SHISA9: variants seen among roughly 807,000 people sequenced by gnomAD.
The protein encoded by SHISA9 is protein shisa-9.
In SHISA9, 13 loss-of-function variants were observed where a neutral mutation model predicts 38.0. That is an observed-to-expected ratio of 0.34 (90% CI 0.22 to 0.54). The LOEUF is 0.54. SHISA9 is among the 20% of genes least tolerant of loss of function. SHISA9 has a pLI of 0.91. For missense variants in SHISA9, 538 were observed against 575.8 expected (o/e 0.93, Z 0.67); for synonymous variants, 275 against 242.0 (o/e 1.14, Z -1.27).
rs372147554 is a variant in SHISA9 at position 13,143,021 on chromosome 16, T to TTTA, written c.692-60372_692-60370dup. Reference sequence around the variant, plus strand: ...TTTATTTTATTTTATTTTATTTTATTTTAAGACAGAGTTTTGCTCTTGTTG... The same window carrying TTTA: ...TTTATTTTATTTTATTTTATTTTATTTTATTAAGACAGAGTTTTGCTCTTGTTG... On this transcript the variant is annotated intron_variant, in intron 2 of 4. Transcript: ENST00000558583. Among the ~76,000 whole-genome samples the TTTA allele has an allele frequency of 3.9e-3, 598 of 151,902 alleles. 3 individuals are homozygous for TTTA. The highest frequency in any genetic ancestry group is 0.024 in the Middle Eastern group (7 of 294).
At chr16:13,188,716 CAAAAA>C (rs35558481) in intron 2 of SHISA9, among the ~76,000 whole-genome samples, 15 of 79,344 alleles carry the variant, frequency 1.9e-4, no homozygotes, top group East Asian at 3.9e-4. Flanking sequence ...GACCCTGTTT[CAAAAA>C]AAAAAAAAAA....
At chr16:13,010,808 C>T (rs868775231) in intron 2 of SHISA9, among the ~76,000 whole-genome samples, 9 of 152,144 alleles carry the variant, frequency 5.9e-5, no homozygotes, top group Admixed American at 3.3e-4. Context: ...AAAAATCAGC[C>T]GGGCATGGTG....
the SHISA9 span, among the ~76,000 whole-genome samples, chr16:13,433,707 G>A: frequency 1.3e-5 from 2 of 152,190 alleles, no homozygotes; most frequent in African/African-American, 4.8e-5. Context: ...AAAAACTCTG[G>A]GAATGCAAGG....
the SHISA9 span, among the ~76,000 whole-genome samples, chr16:13,348,110 T>C: frequency 7.9e-5 from 12 of 152,198 alleles, no homozygotes; most frequent in Admixed American, 6.5e-4. Flanking sequence ...TTAGTTGTTA[T>C]GGCAGCCACA....
intron 2 of SHISA9, among the ~76,000 whole-genome samples, chr16:13,100,257 G>T (rs558758944): frequency 3.9e-5 from 6 of 152,258 alleles, no homozygotes; most frequent in Non-Finnish European, 8.8e-5. Flanking sequence ...TACCTTTTTG[G>T]CAAGCATACA....
chr16:13,178,576 T>G (rs1464946894), intron 2 of SHISA9, among the ~76,000 whole-genome samples: 1 of 152,068 alleles, frequency 6.6e-6, no homozygotes, highest in Non-Finnish European at 1.5e-5. Flanking sequence ...GGCAGAGTCA[T>G]CTAGCTCCGA....
rs186449524 is a variant in SHISA9 at position 12,914,202 on chromosome 16, C to T, written c.564-2486C>T. 1.7e-3 allele frequency among the ~76,000 whole-genome samples: 258 copies of T among 151,908 alleles called. 2 individuals carry two copies. Among genetic ancestry groups the T allele is most frequent in the East Asian group, 0.012 (62 of 5,144 alleles). The stretch of plus-strand genomic sequence containing the variant: ...CTGGGACTAGGGGCATGCTCCACCA[C>T]GCCCGGCTAATTTTTGTATTTTTAG... On this transcript the variant is annotated intron_variant, in intron 1 of 4. Transcript: ENST00000558583.
intron 2 of SHISA9, among the ~76,000 whole-genome samples, chr16:13,129,282 A>T (rs138449150): frequency 1.4e-3 from 217 of 152,324 alleles, no homozygotes; most frequent in African/African-American, 4.7e-3. Context: ...ATTGATGTTT[A>T]TTTCTCATTC....
At chr16:13,386,870 C>T in the SHISA9 span, among the ~76,000 whole-genome samples, 26 of 152,204 alleles carry the variant, frequency 1.7e-4, no homozygotes, top group African/African-American at 6.3e-4. Context: ...TACCATTTCC[C>T]TACTGATGGA....
chr16:13,502,733 C>T, the SHISA9 span, among the ~76,000 whole-genome samples: 36 of 151,976 alleles, frequency 2.4e-4, no homozygotes, highest in African/African-American at 8.4e-4. Context: ...AACAATTAGC[C>T]AGGCGTGGTG....
chr16:13,478,076 C>T, the SHISA9 span, among the ~76,000 whole-genome samples: 2 of 152,168 alleles, frequency 1.3e-5, no homozygotes, highest in African/African-American at 4.8e-5. Context: ...TGAGCGACAT[C>T]GCATTTTCCT....
At chr16:13,301,990 G>T in the SHISA9 span, among the ~76,000 whole-genome samples, 1 of 152,182 alleles carries the variant, frequency 6.6e-6, no homozygotes, top group Admixed American at 6.5e-5. Flanking sequence ...TTTTACTATT[G>T]CAGAGAGAAT....
chr16:13,295,115 A>G, the SHISA9 span, among the ~76,000 whole-genome samples: 3 of 152,224 alleles, frequency 2.0e-5, no homozygotes, highest in Non-Finnish European at 4.4e-5. Flanking sequence ...TCTAGATTTC[A>G]TGCTCTTAAT....
At position 13,176,844 on chromosome 16, in the gene SHISA9, C is replaced by G. The variant is rs527511681; in HGVS notation, c.692-26550C>G. ...ATCTGCAACCCTCAGATCACCCACA[C>G]CTCTTCTCCCCTCTCTGTTCTTAAT... On this transcript the variant is annotated intron_variant, in intron 2 of 4. Coordinates refer to ENST00000558583, the MANE Select transcript of SHISA9 (RefSeq NM_001145204.3). Among the ~76,000 whole-genome samples, 3 of 152,108 alleles carry G rather than the reference C, an allele frequency of 2.0e-5. No homozygotes were observed. The East Asian group carries it at 5.8e-4, about 29-fold the overall frequency.
the SHISA9 span, among the ~76,000 whole-genome samples, chr16:13,339,090 C>T: frequency 1.3e-5 from 2 of 151,716 alleles, no homozygotes; most frequent in African/African-American, 4.8e-5. Flanking sequence ...AGTTACTAAC[C>T]ATCTAAATAA....
At chr16:13,556,519 C>A in the SHISA9 span, among the ~76,000 whole-genome samples, 1 of 151,938 alleles carries the variant, frequency 6.6e-6, no homozygotes, top group Admixed American at 6.6e-5. Flanking sequence ...AAAAATTAGC[C>A]GGGCAAGGTG....
rs572754988 is a variant in SHISA9, at chr16:13,070,157, C to T, written c.692-133237C>T. ...GTGTGTGTGTGTGTGTGTGTGTGCA[C>T]GCATGTGTCTGTGGAAACTGCCAAA... On this transcript the variant is annotated intron_variant, in intron 2 of 4. Coordinates refer to ENST00000558583, the MANE Select transcript of SHISA9 (RefSeq NM_001145204.3). Among the ~76,000 whole-genome samples, 305 of 134,774 alleles carry T rather than the reference C, an allele frequency of 2.3e-3. 2 individuals are homozygous for T. Among genetic ancestry groups the T allele is most frequent in the African/African-American group, 7.9e-3 (289 of 36,510 alleles). 88.4% of individuals were successfully genotyped at this position (134,774 alleles called of 152,430 possible).
At chr16:12,945,626 T>C (rs1360909054) in intron 2 of SHISA9, among the ~76,000 whole-genome samples, 2 of 152,226 alleles carry the variant, frequency 1.3e-5, no homozygotes, top group East Asian at 1.9e-4. Flanking sequence ...TTACTAGTTA[T>C]GTGGCCTTGA....
At chr16:13,096,356 C>T (rs997191475) in intron 2 of SHISA9, among the ~76,000 whole-genome samples, 1 of 152,174 alleles carries the variant, frequency 6.6e-6, no homozygotes, top group African/African-American at 2.4e-5. Flanking sequence ...AACGCCATAT[C>T]ATCTCTGCCC....
Sources: allele counts gnomAD v4.1 joint callset (sites outside exome capture counted in the v4.1 genomes callset), GRCh38; gene constraint gnomAD v4.1.1; transcripts MANE v1.5; gene names NCBI Gene and HGNC (gene_info 2026-07-23, HGNC 2026-07-21).